Variants in CHD6 observed in about 807,000 individuals in gnomAD.
CHD6 encodes ATP-dependent chromatin remodeler CHD6.
In CHD6, 50 loss-of-function variants were observed where a neutral mutation model predicts 276.9. The observed-to-expected ratio is 0.18, with a 90% CI of 0.14 to 0.23. CHD6 has a LOEUF of 0.23. Among genes scored for constraint, CHD6 ranks in the 10% least tolerant of loss-of-function variants. The probability of loss-of-function intolerance (pLI) is 1.00; values close to 1 mark genes in which losing one functional copy is unlikely to be tolerated. For missense variants in CHD6, 2,564 were observed against 3,365.8 expected (o/e 0.76, Z 5.89); for synonymous variants, 1,173 against 1,229.3 (o/e 0.95, Z 0.96).
intron 5 of CHD6, among the ~76,000 whole-genome samples, chr20:41,503,293 A>G (rs1017241577): frequency 1.3e-5 from 2 of 152,190 alleles, no homozygotes; most frequent in African/African-American, 4.8e-5. Context: ...ACTTAACTAA[A>G]CCTACATTTA....
Position 41,415,527 on chromosome 20 carries a change from T to A in CHD6, c.6598A>T (p.Thr2200Ser). The A allele has an allele frequency of 3.7e-6, 6 of 1,614,142 alleles. No homozygotes were observed. The highest frequency in any genetic ancestry group is 5.1e-6 in the Non-Finnish European group (6 of 1,180,026). Residue 2200 changes from threonine to serine, a missense_variant, in exon 34 of 37, where the codon ACC becomes TCC. By Grantham distance (58) the Thr-to-Ser change is moderately conservative. This residue lies in a region of CHD6 where 1,024 missense variants were observed against 1,047.9 expected (regional missense o/e 0.98). Coordinates refer to ENST00000373233, the MANE Select transcript of CHD6 (RefSeq NM_032221.5). The stretch of plus-strand genomic sequence containing the variant: ...AGGATGATAGGGGTGTGCCCGTGGG[T>A]GGCAGAGAACTGCTCCAGGCCCCGA... ...KARGLEQFSATHGHTPIILNG... is the reference protein window; with the variant it reads ...KARGLEQFSASHGHTPIILNG...
intron 14 of CHD6, 44 bp downstream of exon 14, chr20:41,487,621 A>G: frequency 1.3e-6 from 2 of 1,554,986 alleles, no homozygotes; most frequent in Non-Finnish European, 1.7e-6. Context: ...CTTGATGAAG[A>G]TAACGATCAC....
At chr20:41,510,237 C>A (rs974830833) in intron 5 of CHD6, among the ~76,000 whole-genome samples, 1 of 152,214 alleles carries the variant, frequency 6.6e-6, no homozygotes, top group Non-Finnish European at 1.5e-5. Context: ...AGATTCAAGG[C>A]TTTCAGGCTT....
intron 1 of CHD6, among the ~76,000 whole-genome samples, chr20:41,610,334 G>A (rs548447978): frequency 2.2e-4 from 33 of 152,156 alleles, no homozygotes; most frequent in Admixed American, 3.9e-4. Flanking sequence ...ATGCAACCCC[G>A]AATGAACCAA....
chr20:41,410,848 A>G (rs1167327276), intron 36 of CHD6, among the ~76,000 whole-genome samples: 1 of 152,168 alleles, frequency 6.6e-6, no homozygotes, highest in Non-Finnish European at 1.5e-5. Flanking sequence ...CTCTAAAGCA[A>G]GAGCTCAGAG....
At chr20:41,606,813 A>G (rs1045697581) in intron 1 of CHD6, among the ~76,000 whole-genome samples, 5 of 152,298 alleles carry the variant, frequency 3.3e-5, no homozygotes, top group Middle Eastern at 3.4e-3. Flanking sequence ...CAAAAATCCA[A>G]TATCTGGGCC....
intron 1 of CHD6, among the ~76,000 whole-genome samples, chr20:41,580,687 T>C (rs1337208311): frequency 1.4e-5 from 2 of 144,930 alleles, no homozygotes; most frequent in Admixed American, 1.4e-4. Context: ...AAAATACATC[T>C]ATTGAACATG....
chr20:41,561,376 T>C (rs903152729), intron 1 of CHD6, among the ~76,000 whole-genome samples: 1 of 152,236 alleles, frequency 6.6e-6, no homozygotes, highest in African/African-American at 2.4e-5. Context: ...TGGTTTTCTA[T>C]GAATCACTAA....
intron 3 of CHD6, among the ~76,000 whole-genome samples, chr20:41,516,896 A>G (rs1381086772): frequency 6.6e-6 from 1 of 152,184 alleles, no homozygotes; most frequent in Non-Finnish European, 1.5e-5. Context: ...AGTGGGGAAC[A>G]AGAAGAGCCA....
At chr20:41,575,602 C>G (rs572902603) in intron 1 of CHD6, among the ~76,000 whole-genome samples, 1 of 152,198 alleles carries the variant, frequency 6.6e-6, no homozygotes, top group African/African-American at 2.4e-5. Flanking sequence ...CAGCCCCACA[C>G]TGGAACCGAC....
Position 41,402,525 on chromosome 20 carries a change from C to A in CHD6, c.*2068G>T. 1 of 230,522 alleles carries A rather than the reference C, an allele frequency of 4.3e-6. No individual in the cohort carries two copies. The highest frequency in any genetic ancestry group is 8.6e-6 in the Non-Finnish European group (1 of 116,358). 14.3% of individuals were successfully genotyped at this position (230,522 alleles called of 1,614,324 possible). Reference sequence around the variant, plus strand: ...TCCATACAAAACAACAACAACACAACGACAACAAAGAAAACCAGACTCTGC... The same window carrying A: ...TCCATACAAAACAACAACAACACAAAGACAACAAAGAAAACCAGACTCTGC... On this transcript the variant is annotated 3_prime_UTR_variant, in exon 37 of 37. Transcript: ENST00000373233.
chr20:41,566,555 A>G (rs184676404), intron 1 of CHD6, among the ~76,000 whole-genome samples: 74 of 152,198 alleles, frequency 4.9e-4, no homozygotes, highest in Middle Eastern at 6.8e-3. Flanking sequence ...CTCCATCCTT[A>G]CTGAGGGGAC....
intron 1 of CHD6, among the ~76,000 whole-genome samples, chr20:41,613,728 T>C (rs1294974314): frequency 1.3e-5 from 2 of 152,202 alleles, no homozygotes; most frequent in Non-Finnish European, 2.9e-5. Context: ...GTATGTTTTG[T>C]ATGCTGGTGG....
rs1282084368 is a variant in CHD6, at chr20:41,404,824, C to A, written c.7917G>T (p.Met2639Ile). Residue 2639 changes from methionine (M) to isoleucine (I), a missense_variant, in exon 37 of 37, where the codon ATG (methionine) becomes ATT (isoleucine). Coordinates refer to ENST00000373233, the MANE Select transcript of CHD6 (RefSeq NM_032221.5). ...SPGMGMALPA[M>I]QQARHSEIVG... ...CTATTTCCGAGTGTCTGGCCTGCTGCATGGCTGGCAGAGCCATGCCCATAC... is the reference window on the plus strand; with the variant it reads ...CTATTTCCGAGTGTCTGGCCTGCTGAATGGCTGGCAGAGCCATGCCCATAC... 1 of 1,613,896 alleles carries A rather than the reference C, an allele frequency of 6.2e-7. No individual in the cohort carries two copies.
chr20:41,464,677 T>C (rs956335489), intron 17 of CHD6, among the ~76,000 whole-genome samples: 3 of 152,230 alleles, frequency 2.0e-5, no homozygotes, highest in African/African-American at 7.2e-5. Context: ...ATCTGTTTCC[T>C]AGCTCCATGT....
At chr20:41,547,171 A>C (rs559889066) in intron 2 of CHD6, among the ~76,000 whole-genome samples, 1 of 152,322 alleles carries the variant, frequency 6.6e-6, no homozygotes, top group South Asian at 2.1e-4. Context: ...AATCATGGTA[A>C]AAGACAAAGT....
intron 27 of CHD6, among the ~76,000 whole-genome samples, chr20:41,427,101 G>A (rs2047388936): frequency 2.0e-5 from 3 of 151,974 alleles, no homozygotes; most frequent in African/African-American, 7.3e-5. Flanking sequence ...GTGAAAAAAA[G>A]GGAGGAAGAA....
chr20:41,436,310 T>C (rs1330063637), intron 27 of CHD6, among the ~76,000 whole-genome samples: 2 of 152,198 alleles, frequency 1.3e-5, no homozygotes, highest in Non-Finnish European at 2.9e-5. Flanking sequence ...CAACAAGGTA[T>C]TGCTACACAC....
intron 10 of CHD6, 133 bp downstream of exon 10, chr20:41,493,405 G>A (rs1477767745): frequency 6.9e-6 from 6 of 871,250 alleles, no homozygotes; most frequent in Non-Finnish European, 1.1e-5. Flanking sequence ...CTGAATTGAG[G>A]GTTCAATGAG....
Sources: allele counts gnomAD v4.1 joint callset (sites outside exome capture counted in the v4.1 genomes callset), GRCh38; gene constraint gnomAD v4.1.1; regional missense constraint gnomAD v4.1.1; transcripts MANE v1.5; gene names NCBI Gene and HGNC (gene_info 2026-07-23, HGNC 2026-07-21).